Variants in SPOCK3 observed in about 807,000 individuals in gnomAD.
The protein encoded by SPOCK3 is testican-3.
SPOCK3 carries 30 observed loss-of-function variants against 56.6 expected under a neutral mutation model. The observed-to-expected ratio is 0.53, with a 90% CI of 0.40 to 0.72. The LOEUF (loss-of-function observed/expected upper bound fraction) is 0.72. Among genes scored for constraint, SPOCK3 ranks in the 30% least tolerant of loss-of-function variants. The pLI is 0.00. For missense variants in SPOCK3, 527 were observed against 530.0 expected (o/e 0.99, Z 0.06); for synonymous variants, 196 against 183.3 (o/e 1.07, Z -0.56).
intron 4 of SPOCK3, among the ~76,000 whole-genome samples, chr4:166,914,471 T>A (rs910457434): frequency 1.3e-5 from 2 of 152,148 alleles, no homozygotes; most frequent in Non-Finnish European, 2.9e-5. Context: ...AGTAAATTTT[T>A]AAAAAGTTTG....
chr4:166,828,266 G>C (rs952644960), intron 6 of SPOCK3, among the ~76,000 whole-genome samples: 3 of 151,852 alleles, frequency 2.0e-5, no homozygotes, highest in Admixed American at 6.6e-5. Flanking sequence ...TATACATTTA[G>C]TGCCATGATA....
chr4:166,857,012 C>A (rs1730758275), intron 6 of SPOCK3, among the ~76,000 whole-genome samples: 1 of 152,052 alleles, frequency 6.6e-6, no homozygotes, highest in Admixed American at 6.5e-5. Flanking sequence ...CTGCACTAAC[C>A]AAATACAAGG....
At chr4:166,863,210 C>T (rs1386141282) in intron 6 of SPOCK3, among the ~76,000 whole-genome samples, 2 of 152,010 alleles carry the variant, frequency 1.3e-5, no homozygotes, top group African/African-American at 2.4e-5. Context: ...CAAGCAAATG[C>T]TGAGGGATTT....
intron 6 of SPOCK3, among the ~76,000 whole-genome samples, chr4:166,842,039 C>T (rs1191081008): frequency 1.3e-5 from 2 of 152,158 alleles, no homozygotes; most frequent in African/African-American, 2.4e-5. Context: ...AGTGTTAAGG[C>T]TCTTAAGGCG....
chr4:166,805,505 T>C (rs1201620116), intron 6 of SPOCK3, among the ~76,000 whole-genome samples: 1 of 152,098 alleles, frequency 6.6e-6, no homozygotes, highest in Non-Finnish European at 1.5e-5. Context: ...ATTATTATTT[T>C]ATCTGATAGA....
intron 6 of SPOCK3, among the ~76,000 whole-genome samples, chr4:166,819,941 T>G (rs778105034): frequency 3.3e-5 from 5 of 151,954 alleles, no homozygotes; most frequent in Admixed American, 2.0e-4. Context: ...AGGGTCATCT[T>G]GAACTCCTGG....
intron 6 of SPOCK3, among the ~76,000 whole-genome samples, chr4:166,863,833 G>C (rs893072635): frequency 6.6e-6 from 1 of 152,022 alleles, no homozygotes; most frequent in Admixed American, 6.6e-5. Context: ...CACAATAATA[G>C]TGAGAGACTT....
intron 2 of SPOCK3, among the ~76,000 whole-genome samples, chr4:167,209,814 G>C (rs1020164786): frequency 6.6e-6 from 1 of 152,116 alleles, no homozygotes; most frequent in African/African-American, 2.4e-5. Flanking sequence ...AGTGAATTTT[G>C]TATTTATAGT....
At chr4:166,931,741 TTA>T (rs1318772301) in intron 4 of SPOCK3, among the ~76,000 whole-genome samples, 4 of 152,224 alleles carry the variant, frequency 2.6e-5, no homozygotes, top group African/African-American at 9.6e-5. Context: ...ATCACTTGTG[TTA>T]TGTTTTCTAA....
intron 3 of SPOCK3, among the ~76,000 whole-genome samples, chr4:167,012,986 G>T (rs1249321086): frequency 1.3e-5 from 2 of 151,780 alleles, no homozygotes; most frequent in East Asian, 3.9e-4. Flanking sequence ...CAATTTTGTG[G>T]TACTAAAAGT....
intron 8 of SPOCK3, among the ~76,000 whole-genome samples, chr4:166,748,742 C>G (rs1314888676): frequency 7.3e-6 from 1 of 136,734 alleles, no homozygotes; most frequent in Non-Finnish European, 1.5e-5. Flanking sequence ...ATTCATCTGA[C>G]AAAGGGCTAA....
At chr4:167,014,443 C>G (rs981246714) in intron 3 of SPOCK3, among the ~76,000 whole-genome samples, 2 of 151,760 alleles carry the variant, frequency 1.3e-5, no homozygotes, top group Non-Finnish European at 2.9e-5. Flanking sequence ...GCCTGGAGCT[C>G]AAGACTAGCC....
intron 8 of SPOCK3, among the ~76,000 whole-genome samples, chr4:166,743,774 C>T (rs527298098): frequency 4.8e-4 from 73 of 152,300 alleles, no homozygotes; most frequent in South Asian, 1.9e-3. Flanking sequence ...ACTTTTACAA[C>T]GGTCTTAGCA....
At chr4:167,160,116 T>G (rs548351925) in intron 2 of SPOCK3, among the ~76,000 whole-genome samples, 1 of 152,064 alleles carries the variant, frequency 6.6e-6, no homozygotes, top group Non-Finnish European at 1.5e-5. Context: ...TGTTTGCAGA[T>G]GACATGATTG....
At chr4:167,091,771 TCTCC>T (rs1257013586) in intron 2 of SPOCK3, among the ~76,000 whole-genome samples, 1 of 152,148 alleles carries the variant, frequency 6.6e-6, no homozygotes, top group Non-Finnish European at 1.5e-5. Flanking sequence ...ATGAATCATT[TCTCC>T]CTCTACTCAC....
At chr4:166,841,729 A>G (rs1402407245) in intron 6 of SPOCK3, among the ~76,000 whole-genome samples, 2 of 152,224 alleles carry the variant, frequency 1.3e-5, no homozygotes, top group African/African-American at 4.8e-5. Context: ...CAGAATTCTA[A>G]GAACTTCTCC....
intron 7 of SPOCK3, among the ~76,000 whole-genome samples, chr4:166,774,816 A>C (rs1739349898): frequency 6.6e-6 from 1 of 152,168 alleles, no homozygotes; most frequent in South Asian, 2.1e-4. Context: ...GGAATGGTGG[A>C]ATCATAGCAT....
chr4:167,158,988 A>C (rs993499027), intron 2 of SPOCK3, among the ~76,000 whole-genome samples: 2 of 152,022 alleles, frequency 1.3e-5, no homozygotes, highest in African/African-American at 2.4e-5. Context: ...TAGAACAAAA[A>C]TTTCAAAAGC....
At chr4:166,889,500 G>T (rs1215062110) in intron 5 of SPOCK3, among the ~76,000 whole-genome samples, 1 of 151,910 alleles carries the variant, frequency 6.6e-6, no homozygotes, top group African/African-American at 2.4e-5. Context: ...AGGTTTAAAA[G>T]TCATTCTTAG....
Sources: gnomAD v4.1 joint callset for allele counts (sites outside exome capture counted in the v4.1 genomes callset) on GRCh38, gnomAD v4.1.1 for gene constraint, MANE v1.5 for transcripts, NCBI Gene and HGNC (gene_info 2026-07-23, HGNC 2026-07-21) for gene names.